Variants in NEK2 observed in about 807,000 individuals in gnomAD.
NEK2 encodes serine/threonine-protein kinase Nek2.
In NEK2, 28 loss-of-function variants were observed where a neutral mutation model predicts 54.1. That is an observed-to-expected ratio of 0.52 (90% CI 0.38 to 0.71). The LOEUF is 0.71. Among genes scored for constraint, NEK2 ranks in the 30% least tolerant of loss-of-function variants. The probability of loss-of-function intolerance (pLI) is 0.00; values close to 1 mark genes in which losing one functional copy is unlikely to be tolerated. For missense variants in NEK2, 407 were observed against 531.5 expected (o/e 0.77, Z 2.30); for synonymous variants, 176 against 193.1 (o/e 0.91, Z 0.73).
At position 211,662,848 on chromosome 1, in the gene NEK2, C is replaced by T. The variant is rs199908264; in HGVS notation, c.*578G>A. 1 of 909,604 alleles carries T rather than the reference C, an allele frequency of 1.1e-6. No homozygotes were observed. The highest frequency in any genetic ancestry group is 1.3e-6 in the Non-Finnish European group (1 of 778,564). The allele number at this position is 909,604 out of a possible 1,614,324, so 56.3% of individuals were successfully genotyped here. A position where few individuals can be genotyped will look rare whatever the true frequency, so the allele number is the denominator to read the frequency against. On this transcript the variant is annotated 3_prime_UTR_variant, in exon 8 of 8. Coordinates refer to ENST00000366999, the MANE Select transcript of NEK2 (RefSeq NM_002497.4). This position sits in a 1 kb window ranked among gnomAD's most constrained non-coding sequence, Gnocchi z 4.2. ...GACAGACAGCTCATATTCTGTTAAA[C>T]AGAAAAAAAAAAAGAATACAAACAT...
Position 211,675,561 on chromosome 1 carries a change from G to A in NEK2, c.-82C>T. 2 of 1,163,906 alleles carry A rather than the reference G, an allele frequency of 1.7e-6. No individual in the cohort carries two copies. Among genetic ancestry groups the A allele is most frequent in the South Asian group, 2.5e-5 (2 of 78,674 alleles). 72.1% of individuals were successfully genotyped at this position (1,163,906 alleles called of 1,614,324 possible). A position where few individuals can be genotyped will look rare whatever the true frequency, so the allele number is the denominator to read the frequency against. On this transcript the variant is annotated 5_prime_UTR_variant, in exon 1 of 8. Coordinates refer to ENST00000366999, the MANE Select transcript of NEK2 (RefSeq NM_002497.4). ...AGCTCCAGGGACCAGGAACTCCAGG[G>A]ACCTGGATGGAGAAGCCCCCGAGCA...
At chr1:211,668,356 T>C (rs1336953176) in intron 6 of NEK2, among the ~76,000 whole-genome samples, 1 of 152,230 alleles carries the variant, frequency 6.6e-6, no homozygotes, top group Non-Finnish European at 1.5e-5. Flanking sequence ...GCTCTCATCT[T>C]GGTGGAGTAG....
Position 211,674,463 on chromosome 1 carries a change from T to C in NEK2, c.147A>G (p.Lys49=), listed in dbSNP as rs1655512733. ...AATTCACTTCAGAAACAAGCATCTG[T>C]TTCTCAGCTTCTGTCATGGAGCCAT... ...LDYGSMTEAE[K]QMLVSEVNLL... is the part of the protein sequence containing the mutation. Residue 49 remains lysine, a synonymous_variant, in exon 2 of 8, where the codon AAA becomes AAG. Transcript: ENST00000366999. The C allele has an allele frequency of 1.2e-6, 2 of 1,613,964 alleles. No homozygotes were observed. Among genetic ancestry groups the C allele is most frequent in the Non-Finnish European group, 1.7e-6 (2 of 1,179,982 alleles).
chr1:211,668,657 C>T (rs1655253605), intron 6 of NEK2, among the ~76,000 whole-genome samples: 1 of 152,082 alleles, frequency 6.6e-6, no homozygotes, highest in Non-Finnish European at 1.5e-5. Flanking sequence ...AAAGAATTGC[C>T]TGAACATATC....
chr1:211,669,996 A>T (rs144102438), intron 5 of NEK2, among the ~76,000 whole-genome samples: 1 of 152,342 alleles, frequency 6.6e-6, no homozygotes, highest in East Asian at 1.9e-4. Flanking sequence ...AGGCAAGGAC[A>T]AGGGGAACGA....
At chr1:211,666,092 G>T (rs1402513566) in intron 7 of NEK2, among the ~76,000 whole-genome samples, 5 of 152,168 alleles carry the variant, frequency 3.3e-5, no homozygotes, top group African/African-American at 1.2e-4. Flanking sequence ...TTAAAGAGTC[G>T]ATTAAATTAG....
chr1:211,675,329 C>T (rs1194008728), intron 1 of NEK2, 55 bp downstream of exon 1: 2 of 1,539,610 alleles, frequency 1.3e-6, no homozygotes, highest in East Asian at 2.2e-5. Context: ...AGGGCGCTCG[C>T]CCCGAGGCGA....
At chr1:211,658,615 G>A (rs946283465), downstream of NEK2, 2 of 446,638 alleles carry the variant, frequency 4.5e-6, no homozygotes, top group African/African-American at 2.0e-5. Flanking sequence ...TCCATCACAG[G>A]AGGCTGAAGT....
At chr1:211,660,830 G>A (rs1655002038), downstream of NEK2, 1 of 708,318 alleles carries the variant, frequency 1.4e-6, no homozygotes, top group Non-Finnish European at 2.7e-6. Context: ...AGCTTCAGCA[G>A]GCAGTAGATA....
Position 211,669,275 on chromosome 1 carries a change from C to T in NEK2, c.823G>A (p.Val275Ile). Residue 275 changes from valine to isoleucine, a missense_variant, in exon 6 of 8, where the codon GTT becomes ATT. Transcript: ENST00000366999. Reference sequence around the variant, plus strand: ...AGATTTCTTCTTTGCTCGTCTGCAACCAAATCTGCTATTAAAGGGTTCTCA... The same window carrying T: ...AGATTTCTTCTTTGCTCGTCTGCAATCAAATCTGCTATTAAAGGGTTCTCA... ...ILENPLIADL[V>I]ADEQRRNLER... The T allele has an allele frequency of 6.2e-7, 1 of 1,614,096 alleles. No homozygotes were observed. The highest frequency in any genetic ancestry group is 2.2e-5 in the East Asian group (1 of 44,882).
At chr1:211,660,699 A>G (rs1654997826), downstream of NEK2, 1 of 670,566 alleles carries the variant, frequency 1.5e-6, no homozygotes. Flanking sequence ...GAATCTGCGA[A>G]GATCCACATT....
intron 4 of NEK2, 83 bp downstream of exon 4, chr1:211,671,119 A>C (rs969786612): frequency 1.9e-6 from 2 of 1,076,392 alleles, no homozygotes; most frequent in African/African-American, 3.1e-5. Flanking sequence ...TTTCGTTAGC[A>C]CAGAGGCTCA....
In NEK2 at chr1:211,674,492, C is replaced by G; in HGVS notation, c.118G>C (p.Asp40His). Reference protein sequence around the residue: ...DGKILVWKELDYGSMTEAEKQ... With the variant: ...DGKILVWKELHYGSMTEAEKQ... The stretch of plus-strand genomic sequence containing the variant: ...TCAGCTTCTGTCATGGAGCCATAGT[C>G]AAGTTCTTTCCAAACTAATATCTGA... Residue 40 changes from aspartate (D) to histidine (H), a missense_variant, in exon 2 of 8, where the codon GAC becomes CAC. By Grantham distance (81) the Asp-to-His change is moderately conservative. Transcript: ENST00000366999. The G allele has an allele frequency of 6.2e-7, 1 of 1,611,566 alleles. No homozygotes were observed. Among genetic ancestry groups the G allele is most frequent in the East Asian group, 2.2e-5 (1 of 44,824 alleles).
chr1:211,668,201 G>C (rs1183563887), intron 6 of NEK2, among the ~76,000 whole-genome samples: 1 of 152,184 alleles, frequency 6.6e-6, no homozygotes, highest in Non-Finnish European at 1.5e-5. Flanking sequence ...TTAAAGCCTG[G>C]ATTGGGCATA....
At chr1:211,671,123 A>T in intron 4 of NEK2, 79 bp downstream of exon 4, 1 of 1,109,658 alleles carries the variant, frequency 9.0e-7, no homozygotes, top group Non-Finnish European at 1.4e-6. Flanking sequence ...GTTAGCACAG[A>T]GGCTCAAAAA....
chr1:211,669,722 A>C (rs1472395699), intron 5 of NEK2, among the ~76,000 whole-genome samples: 1 of 152,134 alleles, frequency 6.6e-6, no homozygotes, highest in African/African-American at 2.4e-5. Context: ...CTGTCACTTC[A>C]TCTGTATCCT....
chr1:211,667,437 T>G (rs555486423), intron 6 of NEK2, among the ~76,000 whole-genome samples: 1 of 152,362 alleles, frequency 6.6e-6, no homozygotes, highest in African/African-American at 2.4e-5. Flanking sequence ...TCTTAGATTT[T>G]CTTGAAAGGA....
intron 4 of NEK2, 66 bp downstream of exon 4, chr1:211,671,136 T>C (rs936717576): frequency 1.5e-6 from 2 of 1,311,628 alleles, no homozygotes; most frequent in Non-Finnish European, 1.1e-6. Context: ...CTCAAAAAAC[T>C]GAACCCAGTG....
At chr1:211,660,229 A>C, downstream of NEK2, 1 of 331,112 alleles carries the variant, frequency 3.0e-6, no homozygotes, top group Non-Finnish European at 6.1e-6. Flanking sequence ...CAGCCCCAGA[A>C]AGATGGCTGG....
Sources: allele counts gnomAD v4.1 joint callset (sites outside exome capture counted in the v4.1 genomes callset), GRCh38; gene constraint gnomAD v4.1.1; non-coding constraint Gnocchi (gnomAD v3.1); transcripts MANE v1.5; gene names NCBI Gene and HGNC (gene_info 2026-07-23, HGNC 2026-07-21).